The following DRC3 variants were observed in gnomAD, a reference collection of about 807,000 sequenced individuals.
The protein encoded by DRC3 is leucine rich repeat containing 48.
Under a neutral mutation model 57.6 loss-of-function variants are expected in DRC3, and 45 were observed. That is an observed-to-expected ratio of 0.78 (90% CI 0.62 to 1.00). The LOEUF (loss-of-function observed/expected upper bound fraction) is 1.00. Among genes scored for constraint, DRC3 ranks in the 50% least tolerant of loss-of-function variants. DRC3 has a pLI of 0.00. For missense variants in DRC3, 655 were observed against 675.2 expected, an observed-to-expected ratio of 0.97 and a Z score of 0.33; for synonymous variants, 257 against 272.3, an observed-to-expected ratio of 0.94 and a Z score of 0.55.
chr17:17,981,264 G>A (rs766440004), intron 3 of DRC3: 2 of 273,262 alleles, frequency 7.3e-6, no homozygotes, highest in African/African-American at 2.3e-5. Context: ...AGGGGAACAG[G>A]ATGATGGCCA....
intron 12 of DRC3, among the ~76,000 whole-genome samples, chr17:18,013,816 A>C (rs556132270): frequency 7.2e-5 from 11 of 152,316 alleles, no homozygotes; most frequent in Admixed American, 2.0e-4. Flanking sequence ...AGAAATGATA[A>C]ATGTTTGAGA....
At chr17:17,977,475 T>C (rs2042441428) in intron 2 of DRC3, 107 bp from the exon 3 acceptor site, 1 of 1,326,856 alleles carries the variant, frequency 7.5e-7, no homozygotes, top group African/African-American at 1.4e-5. Context: ...GGGGCATTCC[T>C]CAGAGTGCCA....
At chr17:17,979,413 C>T (rs2145203597) in intron 3 of DRC3, among the ~76,000 whole-genome samples, 1 of 151,930 alleles carries the variant, frequency 6.6e-6, no homozygotes, top group Non-Finnish European at 1.5e-5. Context: ...AGGCCAGGGG[C>T]CGAGGCAAGG....
intron 2 of DRC3, 198 bp from the exon 3 acceptor site, chr17:17,977,384 C>T: frequency 1.7e-6 from 1 of 591,694 alleles, no homozygotes; most frequent in African/African-American, 1.9e-5. Flanking sequence ...TGGACAGGCC[C>T]AGGTGGTTGC....
In DRC3 at chr17:17,997,521, G is replaced by A. The variant is rs1242230879; in HGVS notation, c.886G>A (p.Glu296Lys). Residue 296 changes from glutamate to lysine, a missense_variant, in exon 9 of 14, where the codon GAG becomes AAG. Transcript: ENST00000399187. ...NIFEYGLKQQ[E>K]KRKTELDTFS... ...TTTTGAGTATGGCCTGAAACAGCAGGAGAAGCGGAAAACAGAGCTTGACAC... is the reference window on the plus strand; with the variant it reads ...TTTTGAGTATGGCCTGAAACAGCAGAAGAAGCGGAAAACAGAGCTTGACAC... 6.2e-7 allele frequency: 1 copy of A among 1,612,034 alleles called. No homozygotes were observed. The highest frequency in any genetic ancestry group is 1.7e-5 in the Admixed American group (1 of 59,682).
chr17:17,982,362 C>T (rs2042739309), intron 3 of DRC3, among the ~76,000 whole-genome samples: 1 of 148,424 alleles, frequency 6.7e-6, no homozygotes, highest in Non-Finnish European at 1.5e-5. Flanking sequence ...ACTACAGGTG[C>T]CCGCCACCAC....
At chr17:17,988,873 C>T (rs146957660) in intron 5 of DRC3, among the ~76,000 whole-genome samples, 3 of 152,250 alleles carry the variant, frequency 2.0e-5, no homozygotes, top group East Asian at 1.9e-4. Context: ...ACTGTAGTCT[C>T]GGAAGTTTGC....
At chr17:18,011,844 A>T (rs1260604028) in intron 12 of DRC3, 4 of 165,008 alleles carry the variant, frequency 2.4e-5, no homozygotes, top group African/African-American at 9.4e-5. Flanking sequence ...TTGTTTTGAG[A>T]TGGAGCCTTG....
intron 11 of DRC3, 100 bp from the exon 12 acceptor site, chr17:18,006,924 G>T: frequency 1.3e-6 from 2 of 1,531,414 alleles, no homozygotes; most frequent in Non-Finnish European, 8.8e-7. Flanking sequence ...GAATTTCCGA[G>T]CTCGCCTTGG....
At chr17:18,002,082 C>T (rs943300177) in intron 9 of DRC3, among the ~76,000 whole-genome samples, 1 of 151,996 alleles carries the variant, frequency 6.6e-6, no homozygotes, top group African/African-American at 2.4e-5. Context: ...GCGAGAGAAT[C>T]GCTGGAAACT....
intron 8 of DRC3, among the ~76,000 whole-genome samples, chr17:17,996,631 TA>T (rs890525996): frequency 4.0e-5 from 6 of 151,794 alleles, no homozygotes; most frequent in African/African-American, 1.5e-4. Context: ...TCACCATCTC[TA>T]AAAAAAACCA....
At position 18,006,226 on chromosome 17, in the gene DRC3, G is replaced by C. The variant is rs1479159085; in HGVS notation, c.1175G>C (p.Gly392Ala). 6.2e-7 allele frequency: 1 copy of C among 1,612,444 alleles called. No homozygotes were observed. Among genetic ancestry groups the C allele is most frequent in the Non-Finnish European group, 8.5e-7 (1 of 1,179,044 alleles). Residue 392 changes from glycine to alanine, a missense_variant, in exon 11 of 14, where the codon GGA (glycine) becomes GCA (alanine). Coordinates refer to ENST00000399187, the MANE Select transcript of DRC3 (RefSeq NM_031294.4). ...MFERNIVDMV[G>A]LFIENVQSLM... The stretch of plus-strand genomic sequence containing the variant: ...GAAAGGAACATTGTTGACATGGTAG[G>C]ACTGTTTATCGAAAATGTCCAAAGC...
intron 5 of DRC3, 63 bp from the exon 6 acceptor site, chr17:17,992,702 G>A (rs2043287613): frequency 1.3e-6 from 2 of 1,540,408 alleles, no homozygotes; most frequent in African/African-American, 1.4e-5. Context: ...GGAGGGAGGT[G>A]CAGCTGTGTT....
At chr17:17,974,461 TC>T (rs952839539) in intron 2 of DRC3, among the ~76,000 whole-genome samples, 24 of 152,148 alleles carry the variant, frequency 1.6e-4, no homozygotes, top group African/African-American at 5.6e-4. Flanking sequence ...AACCTCCGCC[TC>T]CCGGTTTCAA....
intron 12 of DRC3, among the ~76,000 whole-genome samples, chr17:18,012,542 C>CATGGTG (rs2044205751): frequency 6.6e-6 from 1 of 152,116 alleles, no homozygotes; most frequent in South Asian, 2.1e-4. Context: ...ATTAGCTGGG[C>CATGGTG]ATGGTGGTAC....
rs552530390 is a variant in DRC3, at chr17:18,013,458, T to A, written c.1327-2606T>A. On this transcript the variant is annotated intron_variant, in intron 12 of 13. Transcript: ENST00000399187. ...GGTACCTATACACAATGGAATACTA[T>A]TCAGCCATAAAAAAAGAATGAAATC... Among the ~76,000 whole-genome samples the A allele has an allele frequency of 1.1e-4, 16 of 152,270 alleles. No homozygotes were observed. The East Asian group carries it at 3.1e-3, about 29-fold the overall frequency.
At chr17:17,984,783 A>C (rs944437527) in intron 4 of DRC3, among the ~76,000 whole-genome samples, 6 of 152,226 alleles carry the variant, frequency 3.9e-5, no homozygotes, top group South Asian at 2.1e-4. Context: ...CCATCCTATT[A>C]GGCGGTCTTC....
intron 12 of DRC3, chr17:18,011,761 C>T (rs538957466): frequency 5.1e-6 from 1 of 197,448 alleles, no homozygotes; most frequent in South Asian, 1.0e-4. Context: ...ATTCACTGAC[C>T]ATCTTGTCAA....
Position 17,983,773 on chromosome 17 carries a change from C to G in DRC3, c.161-55C>G, listed in dbSNP as rs2042826083. 3 of 1,321,864 alleles carry G rather than the reference C, an allele frequency of 2.3e-6. No individual in the cohort carries two copies. In the South Asian group the frequency reaches 3.7e-5, roughly 16 times the overall value. The allele number at this position is 1,321,864 out of a possible 1,614,324, so 81.9% of individuals were successfully genotyped here. On this transcript the variant is annotated intron_variant, in intron 3 of 13. Coordinates refer to ENST00000399187, the MANE Select transcript of DRC3 (RefSeq NM_031294.4). Reference sequence around the variant, plus strand: ...GGTTCTGCCTCACTCCTCCTGTACACTAGCACAAAACTCTGACCCTAACCT... The same window carrying G: ...GGTTCTGCCTCACTCCTCCTGTACAGTAGCACAAAACTCTGACCCTAACCT...
Sources: gnomAD v4.1 joint callset for allele counts (sites outside exome capture counted in the v4.1 genomes callset) on GRCh38, gnomAD v4.1.1 for gene constraint, MANE v1.5 for transcripts, NCBI Gene and HGNC (gene_info 2026-07-23, HGNC 2026-07-21) for gene names.